Variants in TRAK2 observed in about 807,000 individuals in gnomAD.
TRAK2 encodes the protein trafficking kinesin protein 2, also known as trafficking kinesin-binding protein 2.
A neutral mutation model predicts 104.6 loss-of-function variants in TRAK2; 81 were observed. The ratio of observed to expected loss-of-function variants is 0.77; its 90% CI spans 0.65 to 0.93. The LOEUF (loss-of-function observed/expected upper bound fraction) is 0.93. TRAK2 is among the 40% of genes least tolerant of loss of function. TRAK2 has a pLI of 0.00. For synonymous variants in TRAK2, 406 were observed against 394.4 expected (o/e 1.03, Z -0.35); for missense variants, 1,002 against 1,089.0 (o/e 0.92, Z 1.12).
chr2:201,405,709 G>A (rs1042627120), intron 3 of TRAK2, among the ~76,000 whole-genome samples: 2 of 152,170 alleles, frequency 1.3e-5, no homozygotes, highest in Admixed American at 1.3e-4. Flanking sequence ...TTTAGGCCGG[G>A]CGCAGTGGCT....
intron 1 of TRAK2, among the ~76,000 whole-genome samples, chr2:201,427,418 G>A (rs1477704109): frequency 6.6e-6 from 1 of 150,606 alleles, no homozygotes; most frequent in Non-Finnish European, 1.5e-5. Context: ...GAGAACATGT[G>A]GTGTTTGGTT....
intron 1 of TRAK2, among the ~76,000 whole-genome samples, chr2:201,442,411 G>A (rs1365609342): frequency 6.6e-6 from 1 of 151,470 alleles, no homozygotes; most frequent in Non-Finnish European, 1.5e-5. Flanking sequence ...GAAAAGGGCA[G>A]AGAGCAGAGA....
chr2:201,412,050 T>C, intron 2 of TRAK2: 1 of 1,093,296 alleles, frequency 9.1e-7, no homozygotes, highest in Non-Finnish European at 1.4e-6. Flanking sequence ...ATTAACAAAA[T>C]CTGGATTGGC....
intron 14 of TRAK2, 79 bp from the exon 15 acceptor site, chr2:201,384,295 A>G: frequency 9.8e-7 from 1 of 1,017,702 alleles, no homozygotes; most frequent in Admixed American, 2.2e-5. Context: ...TTATTTATTA[A>G]TAATATAGCA....
chr2:201,403,117 G>C (rs1195062716), intron 3 of TRAK2, among the ~76,000 whole-genome samples: 1 of 151,900 alleles, frequency 6.6e-6, no homozygotes, highest in Non-Finnish European at 1.5e-5. Flanking sequence ...ATGATGAAAG[G>C]GGAAGAAAAA....
chr2:201,398,241 A>C lies in TRAK2; in HGVS notation c.594T>G (p.Asn198Lys). The C allele has an allele frequency of 6.2e-7, 1 of 1,613,834 alleles. No homozygotes were observed. Among genetic ancestry groups the C allele is most frequent in the Non-Finnish European group, 8.5e-7 (1 of 1,179,768 alleles). Residue 198 changes from asparagine to lysine, a missense_variant, in exon 6 of 16, where the codon AAT becomes AAG. Coordinates refer to ENST00000332624, the MANE Select transcript of TRAK2 (RefSeq NM_015049.3). ...ACCCTTGAGATAAGCTAAAGGACTC[A>C]TTGAACCGAAGAGGTGTAGAACAGC... ...DSSCSTPLRF[N>K]ESFSLSQGLL...
intron 1 of TRAK2, among the ~76,000 whole-genome samples, chr2:201,445,577 T>C (rs1173708108): frequency 6.6e-6 from 1 of 152,198 alleles, no homozygotes; most frequent in African/African-American, 2.4e-5. Flanking sequence ...CTAGCTGAGG[T>C]GGTCTGGCTT....
chr2:201,419,774 A>G (rs1400092048), intron 2 of TRAK2, among the ~76,000 whole-genome samples: 1 of 152,198 alleles, frequency 6.6e-6, no homozygotes, highest in African/African-American at 2.4e-5. Context: ...AGAATTCAGA[A>G]TTTTTCAGAT....
intron 1 of TRAK2, among the ~76,000 whole-genome samples, chr2:201,438,616 T>C (rs1951896479): frequency 6.6e-6 from 1 of 152,176 alleles, no homozygotes; most frequent in African/African-American, 2.4e-5. Context: ...AGTGTGAGGA[T>C]AGTAGTGTGT....
At chr2:201,389,927 T>C in intron 10 of TRAK2, 47 bp from the exon 11 acceptor site, 1 of 1,451,228 alleles carries the variant, frequency 6.9e-7, no homozygotes, top group Non-Finnish European at 9.6e-7. Context: ...TGCCCTTAAA[T>C]TAACAGAGTC....
chr2:201,436,944 C>G (rs1951883596), intron 1 of TRAK2, among the ~76,000 whole-genome samples: 1 of 152,130 alleles, frequency 6.6e-6, no homozygotes, highest in African/African-American at 2.4e-5. Flanking sequence ...CTAGAATTAT[C>G]TGCATATTAA....
intron 2 of TRAK2, chr2:201,412,248 T>C: frequency 9.8e-7 from 1 of 1,020,582 alleles, no homozygotes; most frequent in Non-Finnish European, 1.6e-6. Context: ...CCTTTGGCAG[T>C]CCGTTGAAAA....
rs537024201 is a variant in TRAK2, at chr2:201,424,651, G to A, written c.-199-3945C>T. On this transcript the variant is annotated intron_variant, in intron 1 of 15. Transcript: ENST00000332624. ...AGAGTCTCACTCTTTCGCCCAGGCC[G>A]GACTGCAGTGGCACAATCTCGGCTC... Among the ~76,000 whole-genome samples the A allele has an allele frequency of 1.4e-4, 21 of 151,266 alleles. No individual in the cohort carries two copies. In the South Asian group the frequency reaches 2.9e-3, roughly 21 times the overall value.
intron 9 of TRAK2, among the ~76,000 whole-genome samples, chr2:201,394,228 G>C (rs1035782436): frequency 3.9e-5 from 6 of 152,118 alleles, no homozygotes; most frequent in African/African-American, 1.4e-4. Context: ...GCTGGTAAAA[G>C]AGTGATATAC....
intron 1 of TRAK2, among the ~76,000 whole-genome samples, chr2:201,437,708 C>T (rs1045710844): frequency 3.9e-5 from 5 of 127,280 alleles, no homozygotes; most frequent in Non-Finnish European, 6.1e-5. Flanking sequence ...CTTCTCTGTC[C>T]GTGGCCATAG....
intron 3 of TRAK2, 76 bp downstream of exon 3, chr2:201,407,327 G>T: frequency 7.8e-7 from 1 of 1,284,722 alleles, no homozygotes; most frequent in Non-Finnish European, 1.1e-6. Flanking sequence ...AAACATCAGT[G>T]CTTTAAAAAT....
In TRAK2 at chr2:201,381,198, G is replaced by A. The variant is rs771362891; in HGVS notation, c.2090C>T (p.Ser697Phe). 8 of 1,605,294 alleles carry A rather than the reference G, an allele frequency of 5.0e-6. No individual in the cohort carries two copies. The change falls in exon 16 of 16, where the codon TCC (serine) becomes TTC (phenylalanine). Residue 697 changes from serine (S) to phenylalanine (F), a missense_variant. Coordinates refer to ENST00000332624, the MANE Select transcript of TRAK2 (RefSeq NM_015049.3). ...TGAACTGCTACCGCTACTTCCACAG[G>A]ATAATGAAGGGAACCCAGAGCTTAA... Reference protein sequence around the residue: ...VTPSSGFPSLSCGSSGSSSSN... With the variant: ...VTPSSGFPSLFCGSSGSSSSN...
chr2:201,393,100 A>G (rs1951463032), intron 9 of TRAK2, 54 bp from the exon 10 acceptor site: 5 of 1,526,170 alleles, frequency 3.3e-6, no homozygotes, highest in South Asian at 2.6e-5. Flanking sequence ...AACATTAGGG[A>G]AAAAAAACCC....
intron 1 of TRAK2, among the ~76,000 whole-genome samples, chr2:201,440,791 C>T (rs1384401394): frequency 1.3e-5 from 2 of 152,174 alleles, no homozygotes; most frequent in African/African-American, 2.4e-5. Context: ...TCAAGGTCAT[C>T]GCCAAAGTCT....
Sources: allele counts gnomAD v4.1 joint callset (sites outside exome capture counted in the v4.1 genomes callset), GRCh38; gene constraint gnomAD v4.1.1; transcripts MANE v1.5; gene names NCBI Gene and HGNC (gene_info 2026-07-23, HGNC 2026-07-21).